Variants in SNX29 observed in about 807,000 individuals in gnomAD.
SNX29 encodes the protein sorting nexin-29.
In SNX29, 78 loss-of-function variants were observed where a neutral mutation model predicts 102.1. The observed-to-expected ratio is 0.76, with a 90% CI of 0.64 to 0.92. The LOEUF (loss-of-function observed/expected upper bound fraction) is 0.92, where lower values mean the gene tolerates loss of function less well. SNX29 is among the 40% of genes least tolerant of loss of function. The pLI is 0.00. For synonymous variants in SNX29, 580 were observed against 414.5 expected, an observed-to-expected ratio of 1.40 and a Z score of -4.85; for missense variants, 1,280 against 1,061.7, an observed-to-expected ratio of 1.21 and a Z score of -2.86.
chr16:12,243,734 C>G (rs1247870825), intron 14 of SNX29, among the ~76,000 whole-genome samples: 2 of 152,216 alleles, frequency 1.3e-5, no homozygotes, highest in African/African-American at 2.4e-5. Context: ...TGGTTCTACC[C>G]TCATGGGGGC....
chr16:12,099,616 C>T (rs567813627), intron 11 of SNX29, among the ~76,000 whole-genome samples: 81 of 152,306 alleles, frequency 5.3e-4, no homozygotes, highest in African/African-American at 1.7e-3. Flanking sequence ...GGAGTCCTGT[C>T]GGCCTCCAGA....
intron 15 of SNX29, among the ~76,000 whole-genome samples, chr16:12,294,769 C>CCT (rs993311064): frequency 6.6e-6 from 1 of 152,196 alleles, no homozygotes; most frequent in African/African-American, 2.4e-5. Flanking sequence ...CTGCCCTGGA[C>CCT]CTCTCTGGGC....
intron 14 of SNX29, among the ~76,000 whole-genome samples, chr16:12,271,052 A>G (rs2079078475): frequency 6.6e-6 from 1 of 152,154 alleles, no homozygotes; most frequent in South Asian, 2.1e-4. Flanking sequence ...AAAATCAATC[A>G]ATAAATAAAG....
intron 13 of SNX29, among the ~76,000 whole-genome samples, chr16:12,183,506 G>A (rs993641659): frequency 1.3e-5 from 2 of 152,124 alleles, no homozygotes; most frequent in Non-Finnish European, 2.9e-5. Flanking sequence ...ATGTATGTGT[G>A]TATGTAAATA....
chr16:12,150,496 A>G lies in SNX29; in HGVS notation c.1595+20738A>G, dbSNP rs111466850. On this transcript the variant is annotated intron_variant, in intron 13 of 20. Transcript: ENST00000566228. The stretch of plus-strand genomic sequence containing the variant: ...GGCCTTCACCAGCACTGGCGTCTTC[A>G]GTGAGATTGTGCCGCCTTTGTTAAC... Among the ~76,000 whole-genome samples, 171 of 152,358 alleles carry G rather than the reference A, an allele frequency of 1.1e-3. 1 individual carries two copies. Among genetic ancestry groups the G allele is most frequent in the African/African-American group, 4.1e-3 (169 of 41,582 alleles).
intron 1 of SNX29, 21 bp from the exon 2 acceptor site, chr16:11,999,276 T>C (rs1347751632): frequency 1.2e-6 from 2 of 1,613,584 alleles, no homozygotes; most frequent in African/African-American, 1.3e-5. Context: ...AGAGAACTAA[T>C]TAAGCCTCAT....
chr16:12,200,813 C>G (rs1236772552), intron 14 of SNX29, among the ~76,000 whole-genome samples: 2 of 152,160 alleles, frequency 1.3e-5, no homozygotes, highest in Non-Finnish European at 2.9e-5. Context: ...ACCAAACCTG[C>G]ACTGAATTCA....
intron 13 of SNX29, among the ~76,000 whole-genome samples, chr16:12,144,646 T>C (rs948076954): frequency 6.6e-6 from 1 of 152,214 alleles, no homozygotes; most frequent in Non-Finnish European, 1.5e-5. Flanking sequence ...AGAAAAGAAA[T>C]TTCTGTTCAT....
intron 19 of SNX29, among the ~76,000 whole-genome samples, chr16:12,511,718 A>G (rs1438571568): frequency 6.6e-6 from 1 of 151,400 alleles, no homozygotes; most frequent in Non-Finnish European, 1.5e-5. Flanking sequence ...GAGCTCTTTC[A>G]TGGGTATTCC....
At chr16:12,358,305 G>C (rs1406519509) in intron 16 of SNX29, among the ~76,000 whole-genome samples, 2 of 152,102 alleles carry the variant, frequency 1.3e-5, no homozygotes, top group Non-Finnish European at 2.9e-5. Flanking sequence ...CGTAGCCCTT[G>C]TTGTAATGTT....
At chr16:12,210,021 G>T (rs2077141824) in intron 14 of SNX29, among the ~76,000 whole-genome samples, 1 of 152,178 alleles carries the variant, frequency 6.6e-6, no homozygotes, top group Admixed American at 6.5e-5. Context: ...TCAACATCGG[G>T]TACCTATTGT....
At chr16:12,124,296 C>T (rs2054109945) in intron 11 of SNX29, among the ~76,000 whole-genome samples, 1 of 150,230 alleles carries the variant, frequency 6.7e-6, no homozygotes, top group East Asian at 2.0e-4. Flanking sequence ...GCAGAGATTG[C>T]AGTGAGCCGA....
Position 12,565,781 on chromosome 16 carries a change from T to A in SNX29, c.2319-2725T>A, listed in dbSNP as rs374075910. Among the ~76,000 whole-genome samples, 6 of 152,130 alleles carry A rather than the reference T, an allele frequency of 3.9e-5. No individual in the cohort carries two copies. In the East Asian group the frequency reaches 1.2e-3, roughly 29 times the overall value. ...ACCTTCACCTTTTTTCATTTTCACA[T>A]CTAGAGGGCCCTTTACACAGCAACC... is the stretch of plus-strand genomic sequence containing the variant. On this transcript the variant is annotated intron_variant, in intron 20 of 20. Coordinates refer to ENST00000566228, the MANE Select transcript of SNX29 (RefSeq NM_032167.5).
intron 16 of SNX29, among the ~76,000 whole-genome samples, chr16:12,371,037 C>T (rs1273785485): frequency 6.6e-6 from 1 of 152,204 alleles, no homozygotes; most frequent in East Asian, 1.9e-4. Flanking sequence ...TGCAGAGCTG[C>T]CGTCCTGGTT....
In SNX29 at chr16:12,075,874, G is replaced by T. The variant is rs986480534; in HGVS notation, c.1320-2959G>T. 2.0e-5 allele frequency among the ~76,000 whole-genome samples: 3 copies of T among 152,194 alleles called. No individual in the cohort carries two copies. The East Asian group carries it at 5.8e-4, about 29-fold the overall frequency. ...CCTAAGGGAGCCTGGGCAATGGTGG[G>T]TGCCCCTCCACCAGCCTCGCTGCCG... On this transcript the variant is annotated intron_variant, in intron 10 of 20. Transcript: ENST00000566228.
intron 14 of SNX29, among the ~76,000 whole-genome samples, chr16:12,228,255 C>T (rs1462645807): frequency 6.6e-6 from 1 of 152,264 alleles, no homozygotes; most frequent in African/African-American, 2.4e-5. Flanking sequence ...TGACACCATA[C>T]TGCTATTCTC....
At chr16:12,382,625 A>G (rs2083209176) in intron 16 of SNX29, among the ~76,000 whole-genome samples, 1 of 152,208 alleles carries the variant, frequency 6.6e-6, no homozygotes, top group Non-Finnish European at 1.5e-5. Flanking sequence ...AATTACCATA[A>G]ACGTGCTGGC....
At chr16:12,445,966 G>A (rs572945397) in intron 18 of SNX29, among the ~76,000 whole-genome samples, 36 of 152,224 alleles carry the variant, frequency 2.4e-4, no homozygotes, top group Middle Eastern at 3.4e-3. Context: ...AAGAGGTGGA[G>A]CTCCCGAGTC....
chr16:12,471,448 T>C (rs1418564139), intron 18 of SNX29, among the ~76,000 whole-genome samples: 3 of 152,222 alleles, frequency 2.0e-5, no homozygotes, highest in Non-Finnish European at 4.4e-5. Context: ...GTGAATTAAC[T>C]TACCTAGGAT....
Sources: allele counts gnomAD v4.1 joint callset (sites outside exome capture counted in the v4.1 genomes callset), GRCh38; gene constraint gnomAD v4.1.1; transcripts MANE v1.5; gene names NCBI Gene and HGNC (gene_info 2026-07-23, HGNC 2026-07-21).